Variants in TTC28 observed in about 807,000 individuals in gnomAD.
The protein encoded by TTC28 is tetratricopeptide repeat protein 28.
In TTC28, 61 loss-of-function variants were observed where a neutral mutation model predicts 198.0. That is an observed-to-expected ratio of 0.31 (90% CI 0.25 to 0.38). The LOEUF (loss-of-function observed/expected upper bound fraction) is 0.38. TTC28 is among the 10% of genes least tolerant of loss of function. TTC28 has a pLI of 1.00. For synonymous variants in TTC28, 1,171 were observed against 1,297.8 expected (o/e 0.90, Z 2.10); for missense variants, 2,678 against 3,164.0 (o/e 0.85, Z 3.69).
At chr22:28,001,726 C>A in intron 14 of TTC28, 173 bp from the exon 15 acceptor site, 3 of 702,812 alleles carry the variant, frequency 4.3e-6, no homozygotes, top group South Asian at 1.9e-5. Flanking sequence ...GGAGCGGCAC[C>A]AACTGGCATG....
chr22:27,992,710 C>T (rs928539888), intron 18 of TTC28, 47 bp from the exon 19 acceptor site: 1 of 1,522,504 alleles, frequency 6.6e-7, no homozygotes, highest in East Asian at 2.5e-5. Flanking sequence ...GGCCTCTGCA[C>T]CCAAAAGCCT....
intron 6 of TTC28, among the ~76,000 whole-genome samples, chr22:28,135,277 G>A (rs1007481661): frequency 4.6e-5 from 7 of 152,046 alleles, no homozygotes; most frequent in South Asian, 2.1e-4. Flanking sequence ...TCACCACTAC[G>A]TCATTCTTTG....
chr22:28,021,503 G>A (rs1938595423), intron 13 of TTC28, among the ~76,000 whole-genome samples: 1 of 152,126 alleles, frequency 6.6e-6, no homozygotes. Flanking sequence ...CATTCAACAT[G>A]GGCTAAGTGC....
chr22:28,374,510 T>G (rs948234052), intron 2 of TTC28, among the ~76,000 whole-genome samples: 1 of 152,180 alleles, frequency 6.6e-6, no homozygotes, highest in Admixed American at 6.5e-5. Flanking sequence ...ATGGGTAGTG[T>G]AAAGAACACT....
intron 2 of TTC28, among the ~76,000 whole-genome samples, chr22:28,516,012 C>T (rs1013650976): frequency 1.3e-5 from 2 of 151,668 alleles, no homozygotes; most frequent in African/African-American, 4.8e-5. Flanking sequence ...CGGGCGTGGT[C>T]GTGTGCACCT....
chr22:28,382,391 G>A (rs1445200909), intron 2 of TTC28, among the ~76,000 whole-genome samples: 1 of 152,030 alleles, frequency 6.6e-6, no homozygotes, highest in Non-Finnish European at 1.5e-5. Context: ...AGTATTCCCT[G>A]GGCCTCAAAG....
intron 2 of TTC28, among the ~76,000 whole-genome samples, chr22:28,438,054 T>C (rs2047550669): frequency 6.6e-6 from 1 of 152,180 alleles, no homozygotes; most frequent in African/African-American, 2.4e-5. Context: ...GAGTATAGAA[T>C]GGATTTGAAG....
At chr22:28,076,191 G>T (rs1941159945) in intron 12 of TTC28, among the ~76,000 whole-genome samples, 1 of 152,202 alleles carries the variant, frequency 6.6e-6, no homozygotes, top group African/African-American at 2.4e-5. Flanking sequence ...TGGATTAAGT[G>T]GTAGGTCAGT....
intron 1 of TTC28, among the ~76,000 whole-genome samples, chr22:28,647,188 G>A (rs2051483673): frequency 6.6e-6 from 1 of 152,152 alleles, no homozygotes; most frequent in Non-Finnish European, 1.5e-5. Flanking sequence ...CACATGTAGA[G>A]GAGTGAAGCT....
intron 2 of TTC28, among the ~76,000 whole-genome samples, chr22:28,444,873 G>A (rs1289078089): frequency 1.3e-5 from 2 of 152,156 alleles, no homozygotes; most frequent in Non-Finnish European, 2.9e-5. Context: ...GTCCCTGCTC[G>A]AGAAGATTAC....
intron 9 of TTC28, 82 bp downstream of exon 9, chr22:28,101,089 C>T: frequency 9.9e-7 from 1 of 1,008,906 alleles, no homozygotes. Context: ...CTTGTAAATG[C>T]CATCACTACT....
intron 2 of TTC28, among the ~76,000 whole-genome samples, chr22:28,479,945 T>A (rs1280142437): frequency 6.6e-6 from 1 of 152,152 alleles, no homozygotes; most frequent in Non-Finnish European, 1.5e-5. Flanking sequence ...ATTTATTGAA[T>A]AATATAAGAA....
intron 2 of TTC28, among the ~76,000 whole-genome samples, chr22:28,485,052 T>C (rs2048299572): frequency 6.6e-6 from 1 of 152,164 alleles, no homozygotes; most frequent in Non-Finnish European, 1.5e-5. Context: ...TACCATCCCT[T>C]CAACTGCCAG....
intron 2 of TTC28, among the ~76,000 whole-genome samples, chr22:28,530,485 T>TG (rs1378887045): frequency 6.6e-6 from 1 of 152,110 alleles, no homozygotes. Flanking sequence ...GAAAACACTC[T>TG]CAGGATATTA....
chr22:28,609,473 C>G (rs1258385957), intron 2 of TTC28, among the ~76,000 whole-genome samples: 17 of 152,166 alleles, frequency 1.1e-4, no homozygotes, highest in Non-Finnish European at 2.4e-4. Context: ...CCGGGAAGCA[C>G]AAGGGGTCGG....
chr22:28,083,897 C>T (rs754344369), intron 12 of TTC28, among the ~76,000 whole-genome samples: 5 of 152,246 alleles, frequency 3.3e-5, no homozygotes, highest in African/African-American at 4.8e-5. Context: ...CCTACGCCCA[C>T]GGAGCCTCGC....
intron 11 of TTC28, among the ~76,000 whole-genome samples, chr22:28,095,369 A>T (rs1941941328): frequency 2.7e-5 from 4 of 146,408 alleles, no homozygotes; most frequent in African/African-American, 7.5e-5. Context: ...TCCAGCCATC[A>T]TTTTTTTTTT....
intron 2 of TTC28, among the ~76,000 whole-genome samples, chr22:28,334,373 G>A (rs551238353): frequency 6.6e-6 from 1 of 152,170 alleles, no homozygotes; most frequent in Non-Finnish European, 1.5e-5. Flanking sequence ...ACCCAGTAAT[G>A]GGATGGCTGG....
chr22:28,283,893 G>C (rs952020645), intron 5 of TTC28, among the ~76,000 whole-genome samples: 2 of 152,112 alleles, frequency 1.3e-5, no homozygotes, highest in Admixed American at 6.5e-5. Context: ...TAGTTACTAG[G>C]AGCAAAGTAA....
Sources: allele counts gnomAD v4.1 joint callset (sites outside exome capture counted in the v4.1 genomes callset), GRCh38; gene constraint gnomAD v4.1.1; transcripts MANE v1.5; gene names NCBI Gene and HGNC (gene_info 2026-07-23, HGNC 2026-07-21).